Variants in ATF6 observed in about 807,000 individuals in gnomAD.
ATF6 encodes cyclic AMP-dependent transcription factor ATF-6 alpha.
A neutral mutation model predicts 83.6 loss-of-function variants in ATF6; 53 were observed. That is an observed-to-expected ratio of 0.63 (90% CI 0.51 to 0.80). The LOEUF is 0.80. ATF6 is among the 30% of genes least tolerant of loss of function. ATF6 has a pLI of 0.00. For synonymous variants in ATF6, 288 were observed against 285.8 expected (o/e 1.01, Z -0.08); for missense variants, 744 against 797.9 (o/e 0.93, Z 0.81).
chr1:161,784,254 A>G (rs1269805264), intron 4 of ATF6, among the ~76,000 whole-genome samples, 158 bp downstream of exon 4: 3 of 152,210 alleles, frequency 2.0e-5, no homozygotes, highest in African/African-American at 7.2e-5. Flanking sequence ...TGTGGGAGCT[A>G]GAAAGTTGTT....
chr1:161,936,537 C>T (rs373800815), intron 15 of ATF6, among the ~76,000 whole-genome samples: 10 of 152,290 alleles, frequency 6.6e-5, no homozygotes, highest in Admixed American at 2.0e-4. Context: ...CTATCTCTCT[C>T]ATCATATATT....
intron 14 of ATF6, among the ~76,000 whole-genome samples, chr1:161,900,154 G>A (rs1488718881): frequency 1.3e-5 from 2 of 152,086 alleles, no homozygotes; most frequent in Non-Finnish European, 2.9e-5. Flanking sequence ...TTTATTAAAT[G>A]TATAGCTCAC....
chr1:161,943,217 G>A (rs1030278155), intron 15 of ATF6, among the ~76,000 whole-genome samples: 1 of 152,062 alleles, frequency 6.6e-6, no homozygotes, highest in Non-Finnish European at 1.5e-5. Context: ...GAGGTAATTC[G>A]ATCATGGGGG....
At chr1:161,826,360 A>G (rs1292183126) in intron 9 of ATF6, among the ~76,000 whole-genome samples, 2 of 152,218 alleles carry the variant, frequency 1.3e-5, no homozygotes, top group African/African-American at 2.4e-5. Context: ...CAGCTGCTGA[A>G]GTAAAGGTGG....
At chr1:161,791,719 T>G (rs750208185) in intron 5 of ATF6, among the ~76,000 whole-genome samples, 182 bp downstream of exon 5, 6 of 152,216 alleles carry the variant, frequency 3.9e-5, no homozygotes, top group Non-Finnish European at 8.8e-5. Context: ...GAAATAATCT[T>G]TGGTTGTCTC....
chr1:161,917,141 A>T (rs1406526176), intron 15 of ATF6, among the ~76,000 whole-genome samples: 1 of 152,204 alleles, frequency 6.6e-6, no homozygotes, highest in African/African-American at 2.4e-5. Context: ...CATTTACATT[A>T]ACTCATGTCA....
chr1:161,887,144 T>C (rs1010849892), intron 14 of ATF6, among the ~76,000 whole-genome samples: 1 of 151,960 alleles, frequency 6.6e-6, no homozygotes, highest in African/African-American at 2.4e-5. Context: ...CGATCTCAGC[T>C]CACTGCAACC....
At chr1:161,797,966 A>G (rs533955504) in intron 6 of ATF6, among the ~76,000 whole-genome samples, 1 of 152,340 alleles carries the variant, frequency 6.6e-6, no homozygotes, top group African/African-American at 2.4e-5. Context: ...TGGTATAAAA[A>G]CAGGCACATA....
At chr1:161,913,009 T>C (rs2101889219) in intron 15 of ATF6, among the ~76,000 whole-genome samples, 1 of 152,292 alleles carries the variant, frequency 6.6e-6, no homozygotes. Flanking sequence ...ATATGTGAGG[T>C]ACTAAGAAAT....
chr1:161,906,813 A>G (rs550073318), intron 14 of ATF6, among the ~76,000 whole-genome samples: 2 of 152,156 alleles, frequency 1.3e-5, no homozygotes, highest in Non-Finnish European at 2.9e-5. Flanking sequence ...GTTTTATTGC[A>G]TACATTAGTG....
chr1:161,773,676 T>TGG (rs1371131091), intron 1 of ATF6, among the ~76,000 whole-genome samples: 1 of 152,070 alleles, frequency 6.6e-6, no homozygotes, highest in Admixed American at 6.5e-5. Context: ...ATGGGCAAGG[T>TGG]GGAGGTGAGG....
intron 14 of ATF6, among the ~76,000 whole-genome samples, chr1:161,899,727 A>G (rs561317995): frequency 1.5e-4 from 23 of 152,292 alleles, no homozygotes; most frequent in African/African-American, 5.5e-4. Context: ...TTGCATATTT[A>G]TTGGTGGAAA....
chr1:161,834,535 A>G (rs1348629010), intron 9 of ATF6, among the ~76,000 whole-genome samples: 1 of 151,072 alleles, frequency 6.6e-6, no homozygotes, highest in Non-Finnish European at 1.5e-5. Context: ...ATAAAAAACC[A>G]AACACCGCAT....
intron 7 of ATF6, among the ~76,000 whole-genome samples, chr1:161,810,640 A>G (rs1173669320): frequency 6.6e-6 from 1 of 152,028 alleles, no homozygotes; most frequent in Non-Finnish European, 1.5e-5. Context: ...TTGAGATAAA[A>G]TGCACATTAC....
At chr1:161,866,509 G>T (rs1438070082) in intron 14 of ATF6, among the ~76,000 whole-genome samples, 1 of 152,182 alleles carries the variant, frequency 6.6e-6, no homozygotes, top group Non-Finnish European at 1.5e-5. Flanking sequence ...TCTCCTTAAA[G>T]AGTTTTTACC....
At chr1:161,805,817 A>G (rs1464121709) in intron 7 of ATF6, among the ~76,000 whole-genome samples, 3 of 152,166 alleles carry the variant, frequency 2.0e-5, no homozygotes, top group African/African-American at 7.2e-5. Context: ...CACCAAAAAA[A>G]AAAAAATCAT....
At chr1:161,807,333 C>G (rs1685312194) in intron 7 of ATF6, among the ~76,000 whole-genome samples, 1 of 152,118 alleles carries the variant, frequency 6.6e-6, no homozygotes, top group African/African-American at 2.4e-5. Context: ...TCTGTAACAT[C>G]CAAGAATAGG....
In ATF6 at chr1:161,959,478, G is replaced by A. The variant is rs1001150265; in HGVS notation, c.*824G>A. 1.3e-5 allele frequency: 2 copies of A among 151,958 alleles called. No homozygotes were observed. Among genetic ancestry groups the A allele is most frequent in the African/African-American group, 4.8e-5 (2 of 41,364 alleles). 9.4% of individuals were successfully genotyped at this position (151,958 alleles called of 1,614,324 possible). A position where few individuals can be genotyped will look rare whatever the true frequency, so the allele number is the denominator to read the frequency against. ...GAGGTCAGGAGATCAAGACCATCCC[G>A]GCTAAAACGGTGAAACCCCGTCTCT... On this transcript the variant is annotated 3_prime_UTR_variant, in exon 16 of 16. Transcript: ENST00000367942.
At chr1:161,900,516 A>G (rs1013313660) in intron 14 of ATF6, among the ~76,000 whole-genome samples, 2 of 152,186 alleles carry the variant, frequency 1.3e-5, no homozygotes, top group Admixed American at 6.5e-5. Flanking sequence ...TAAACTCTAC[A>G]TCATTATATT....
Sources: allele counts gnomAD v4.1 joint callset (sites outside exome capture counted in the v4.1 genomes callset), GRCh38; gene constraint gnomAD v4.1.1; transcripts MANE v1.5; gene names NCBI Gene and HGNC (gene_info 2026-07-23, HGNC 2026-07-21).